The following CDH13 variants were observed in gnomAD, a reference collection of about 807,000 sequenced individuals.
CDH13 encodes the protein cadherin 13.
Under a neutral mutation model 63.8 loss-of-function variants are expected in CDH13, and 24 were observed. The ratio of observed to expected loss-of-function variants is 0.38; its 90% CI spans 0.27 to 0.53. The LOEUF is 0.53. Among genes scored for constraint, CDH13 ranks in the 20% least tolerant of loss-of-function variants. The pLI, the probability that CDH13 is intolerant of heterozygous loss-of-function variation, is 0.85. For missense variants in CDH13, 1,049 were observed against 903.1 expected, an observed-to-expected ratio of 1.16 and a Z score of -2.07; for synonymous variants, 503 against 355.3, an observed-to-expected ratio of 1.42 and a Z score of -4.67.
At chr16:83,536,884 C>A (rs757098342) in intron 7 of CDH13, among the ~76,000 whole-genome samples, 1 of 152,144 alleles carries the variant, frequency 6.6e-6, no homozygotes, top group Non-Finnish European at 1.5e-5. Flanking sequence ...CAGGATAACA[C>A]CAGCATTTCT....
intron 4 of CDH13, among the ~76,000 whole-genome samples, chr16:83,186,060 G>A (rs2038507784): frequency 6.7e-6 from 1 of 148,244 alleles, no homozygotes; most frequent in Admixed American, 6.9e-5. Flanking sequence ...TTTTAAAATT[G>A]TATTATTTTT....
chr16:83,176,491 C>G (rs2038128485), intron 4 of CDH13, among the ~76,000 whole-genome samples: 2 of 114,206 alleles, frequency 1.8e-5, no homozygotes, highest in Admixed American at 2.4e-4. Flanking sequence ...GCCTGGGTGA[C>G]AGAGCAAGAA....
At chr16:82,963,437 A>G (rs886246384) in intron 2 of CDH13, among the ~76,000 whole-genome samples, 1 of 152,114 alleles carries the variant, frequency 6.6e-6, no homozygotes, top group African/African-American at 2.4e-5. Flanking sequence ...TCCTTTCTCA[A>G]TACCTCTTAC....
intron 4 of CDH13, among the ~76,000 whole-genome samples, chr16:83,138,200 C>T (rs763477193): frequency 5.3e-5 from 8 of 152,126 alleles, no homozygotes; most frequent in Non-Finnish European, 1.2e-4. Flanking sequence ...GGCATACACT[C>T]TCCCTAGGCT....
chr16:82,708,662 A>T (rs1025515427), intron 1 of CDH13, among the ~76,000 whole-genome samples: 1 of 152,170 alleles, frequency 6.6e-6, no homozygotes, highest in African/African-American at 2.4e-5. Flanking sequence ...CGCCCAGCTC[A>T]AGATAGTCAG....
intron 8 of CDH13, among the ~76,000 whole-genome samples, chr16:83,613,997 G>C (rs940745254): frequency 3.9e-5 from 6 of 151,938 alleles, no homozygotes; most frequent in African/African-American, 1.5e-4. Flanking sequence ...GCTAACTCCA[G>C]CATCCATTAA....
intron 6 of CDH13, among the ~76,000 whole-genome samples, chr16:83,474,996 T>G (rs2073564626): frequency 6.6e-6 from 1 of 152,246 alleles, no homozygotes; most frequent in African/African-American, 2.4e-5. Flanking sequence ...GCCGAGACAC[T>G]GAGTGTCCAG....
At chr16:83,394,692 A>G (rs561962212) in intron 6 of CDH13, among the ~76,000 whole-genome samples, 1 of 152,162 alleles carries the variant, frequency 6.6e-6, no homozygotes, top group Non-Finnish European at 1.5e-5. Context: ...AAAGTGGATG[A>G]GAACAAAAGC....
chr16:83,199,946 G>T (rs904217140), intron 4 of CDH13, among the ~76,000 whole-genome samples: 2 of 152,188 alleles, frequency 1.3e-5, no homozygotes, highest in Non-Finnish European at 2.9e-5. Context: ...GGCAGGAATG[G>T]TGGCTATTGC....
chr16:82,979,691 C>A (rs1168051909), intron 2 of CDH13, among the ~76,000 whole-genome samples: 1 of 152,184 alleles, frequency 6.6e-6, no homozygotes, highest in Non-Finnish European at 1.5e-5. Context: ...TTATAAATTA[C>A]CCAGTCTTAG....
intron 10 of CDH13, among the ~76,000 whole-genome samples, chr16:83,699,877 C>G (rs1314964053): frequency 6.6e-6 from 1 of 152,182 alleles, no homozygotes; most frequent in African/African-American, 2.4e-5. Flanking sequence ...CATATTGGGA[C>G]TCTTCTCTCC....
intron 6 of CDH13, among the ~76,000 whole-genome samples, chr16:83,464,115 C>G (rs1233200075): frequency 6.6e-6 from 1 of 152,142 alleles, no homozygotes; most frequent in Non-Finnish European, 1.5e-5. Flanking sequence ...GCCTTGTTAT[C>G]TAGGCTGGAG....
At chr16:83,516,750 A>T (rs747900866) in intron 7 of CDH13, among the ~76,000 whole-genome samples, 7 of 152,220 alleles carry the variant, frequency 4.6e-5, no homozygotes, top group Non-Finnish European at 7.3e-5. Flanking sequence ...CCCTGTCATC[A>T]TGGAATTTAT....
intron 2 of CDH13, among the ~76,000 whole-genome samples, chr16:82,907,180 G>T (rs916859927): frequency 6.6e-6 from 1 of 152,178 alleles, no homozygotes; most frequent in African/African-American, 2.4e-5. Flanking sequence ...GCCTAGTTCA[G>T]TGGAACCCTT....
intron 2 of CDH13, among the ~76,000 whole-genome samples, chr16:83,021,618 T>C (rs1006878127): frequency 3.9e-5 from 6 of 152,194 alleles, no homozygotes; most frequent in African/African-American, 1.4e-4. Flanking sequence ...TTCATTATGA[T>C]ATCTTCTGCT....
At chr16:82,793,563 G>C (rs550275883) in intron 1 of CDH13, among the ~76,000 whole-genome samples, 18 of 152,264 alleles carry the variant, frequency 1.2e-4, no homozygotes, top group African/African-American at 4.1e-4. Flanking sequence ...TCAGTCTGCC[G>C]TGTGCTTGGT....
intron 8 of CDH13, among the ~76,000 whole-genome samples, chr16:83,619,180 C>T (rs947685052): frequency 6.6e-6 from 1 of 152,230 alleles, no homozygotes; most frequent in African/African-American, 2.4e-5. Flanking sequence ...TGTATGTGCG[C>T]TATGCCTCCT....
chr16:83,264,564 G>GTT (rs1907378156), intron 5 of CDH13, among the ~76,000 whole-genome samples: 1 of 151,500 alleles, frequency 6.6e-6, no homozygotes, highest in Non-Finnish European at 1.5e-5. Context: ...GTGTGTGTGT[G>GTT]TGTATACATA....
intron 6 of CDH13, among the ~76,000 whole-genome samples, chr16:83,450,080 C>G (rs2151509358): frequency 6.6e-6 from 1 of 152,244 alleles, no homozygotes; most frequent in Non-Finnish European, 1.5e-5. Flanking sequence ...CAACTCTGAC[C>G]CAGCACGGTG....
Sources: gnomAD v4.1 joint callset for allele counts (sites outside exome capture counted in the v4.1 genomes callset) on GRCh38, gnomAD v4.1.1 for gene constraint, MANE v1.5 for transcripts, NCBI Gene and HGNC (gene_info 2026-07-23, HGNC 2026-07-21) for gene names.